Variants in FAM227B observed in about 807,000 individuals in gnomAD.
The protein encoded by FAM227B is family with sequence similarity 227 member B.
A neutral mutation model predicts 73.8 loss-of-function variants in FAM227B; 88 were observed. The ratio of observed to expected loss-of-function variants is 1.19; its 90% CI spans 1.00 to 1.42. The LOEUF (loss-of-function observed/expected upper bound fraction) is 1.42. Ranked by LOEUF, FAM227B falls within the 40% of genes most tolerant of loss-of-function variation. The probability of loss-of-function intolerance (pLI) is 0.00; values close to 1 mark genes in which losing one functional copy is unlikely to be tolerated. For missense variants in FAM227B, 632 were observed against 590.9 expected, an observed-to-expected ratio of 1.07 and a Z score of -0.72; for synonymous variants, 210 against 190.5, an observed-to-expected ratio of 1.10 and a Z score of -0.84.
intron 11 of FAM227B, among the ~76,000 whole-genome samples, chr15:49,372,522 G>A (rs1168813081): frequency 6.6e-6 from 1 of 152,124 alleles, no homozygotes; most frequent in Admixed American, 6.6e-5. Context: ...TCAGAGTCCT[G>A]TTTTTCCATA....
chr15:49,400,548 T>A (rs1377172924), intron 11 of FAM227B, among the ~76,000 whole-genome samples: 1 of 72,996 alleles, frequency 1.4e-5, no homozygotes, highest in Non-Finnish European at 2.9e-5. Context: ...GCCAAGTCAA[T>A]CCTAAGCCAA....
chr15:49,584,422 A>G (rs1423968014), intron 5 of FAM227B, among the ~76,000 whole-genome samples: 2 of 152,224 alleles, frequency 1.3e-5, no homozygotes, highest in Non-Finnish European at 2.9e-5. Flanking sequence ...TAAATAGGCA[A>G]AAGCTGGAAG....
chr15:49,430,245 C>T (rs2050480949), intron 11 of FAM227B, among the ~76,000 whole-genome samples: 1 of 151,914 alleles, frequency 6.6e-6, no homozygotes, highest in African/African-American at 2.4e-5. Context: ...TGTACCACAG[C>T]CTCACAATGA....
At chr15:49,435,073 T>C (rs2050974690) in intron 11 of FAM227B, among the ~76,000 whole-genome samples, 1 of 151,464 alleles carries the variant, frequency 6.6e-6, no homozygotes, top group Non-Finnish European at 1.5e-5. Context: ...ACATACAAAA[T>C]AGTATACATT....
At chr15:49,330,507 A>C (rs913910296) in intron 15 of FAM227B, 2 of 152,198 alleles carry the variant, frequency 1.3e-5, no homozygotes, top group African/African-American at 4.8e-5. Flanking sequence ...ACATTTCTAC[A>C]GGGCATCAAT....
intron 1 of FAM227B, among the ~76,000 whole-genome samples, chr15:49,618,263 A>G (rs1484049594): frequency 6.6e-6 from 1 of 152,214 alleles, no homozygotes; most frequent in Non-Finnish European, 1.5e-5. Flanking sequence ...TAAACAAAGA[A>G]AAAGGAAACA....
At chr15:49,581,607 G>A (rs1003704985) in intron 5 of FAM227B, among the ~76,000 whole-genome samples, 4 of 152,028 alleles carry the variant, frequency 2.6e-5, no homozygotes, top group Non-Finnish European at 5.9e-5. Context: ...GTGAGCCACC[G>A]TACCCAGATG....
chr15:49,521,064 T>C (rs902363394), intron 10 of FAM227B, among the ~76,000 whole-genome samples: 1 of 152,280 alleles, frequency 6.6e-6, no homozygotes, highest in Admixed American at 6.5e-5. Flanking sequence ...GGCAGCCAGA[T>C]TGTGCATGTG....
At chr15:49,354,762 T>C (rs1667588645) in intron 13 of FAM227B, among the ~76,000 whole-genome samples, 1 of 152,034 alleles carries the variant, frequency 6.6e-6, no homozygotes, top group East Asian at 1.9e-4. Context: ...CCTGCCTGCC[T>C]CTGTAGGCTC....
At chr15:49,561,358 C>A (rs936419022) in intron 9 of FAM227B, among the ~76,000 whole-genome samples, 1 of 152,102 alleles carries the variant, frequency 6.6e-6, no homozygotes, top group Non-Finnish European at 1.5e-5. Context: ...TTGAAGCACC[C>A]AGATTAATAA....
intron 11 of FAM227B, chr15:49,487,581 TAA>T (rs2056506009): frequency 6.6e-6 from 1 of 151,838 alleles, no homozygotes; most frequent in African/African-American, 2.4e-5. Flanking sequence ...CCAAAGAACA[TAA>T]AGATGTGCGA....
chr15:49,587,626 C>T (rs2076248495), intron 5 of FAM227B, among the ~76,000 whole-genome samples: 1 of 151,910 alleles, frequency 6.6e-6, no homozygotes, highest in African/African-American at 2.4e-5. Context: ...AAAACACTTG[C>T]CATTTTTATC....
At chr15:49,491,611 G>A (rs2057103881) in intron 11 of FAM227B, among the ~76,000 whole-genome samples, 1 of 151,788 alleles carries the variant, frequency 6.6e-6, no homozygotes, top group Admixed American at 6.6e-5. Flanking sequence ...CAAAGCTCAA[G>A]TTTAATGAGC....
At chr15:49,528,969 C>G (rs541953070) in intron 10 of FAM227B, among the ~76,000 whole-genome samples, 1 of 151,912 alleles carries the variant, frequency 6.6e-6, no homozygotes, top group South Asian at 2.1e-4. Flanking sequence ...AGTCCTACTA[C>G]TGGGTATAAA....
intron 3 of FAM227B, among the ~76,000 whole-genome samples, chr15:49,595,682 G>A (rs765058502): frequency 1.3e-5 from 2 of 151,294 alleles, no homozygotes; most frequent in African/African-American, 2.4e-5. Context: ...AGAAAGCACC[G>A]AGAAAGGGGA....
At chr15:49,450,087 A>C in intron 11 of FAM227B, among the ~76,000 whole-genome samples, 1 of 152,260 alleles carries the variant, frequency 6.6e-6, no homozygotes, top group Middle Eastern at 3.4e-3. Flanking sequence ...ACTGAGAAGA[A>C]ACAAATTAAA....
intron 11 of FAM227B, among the ~76,000 whole-genome samples, chr15:49,380,151 T>C (rs1320787749): frequency 6.6e-6 from 1 of 151,760 alleles, no homozygotes; most frequent in Non-Finnish European, 1.5e-5. Flanking sequence ...CCTCACCCCA[T>C]AGCCACTGAC....
intron 11 of FAM227B, among the ~76,000 whole-genome samples, chr15:49,463,471 A>T (rs1332811316): frequency 6.6e-6 from 1 of 151,090 alleles, no homozygotes; most frequent in African/African-American, 2.4e-5. Flanking sequence ...GAATCACTGG[A>T]ACCCGGAAGG....
At chr15:49,336,692 A>T (rs1309802080) in intron 13 of FAM227B, among the ~76,000 whole-genome samples, 1 of 152,132 alleles carries the variant, frequency 6.6e-6, no homozygotes, top group Non-Finnish European at 1.5e-5. Flanking sequence ...CTTGGTAAGT[A>T]CTTTCTAAAA....
Sources: gnomAD v4.1 joint callset for allele counts (sites outside exome capture counted in the v4.1 genomes callset) on GRCh38, gnomAD v4.1.1 for gene constraint, MANE v1.5 for transcripts, NCBI Gene and HGNC (gene_info 2026-07-23, HGNC 2026-07-21) for gene names.